The following DAB1 variants were observed in gnomAD, a reference collection of about 807,000 sequenced individuals.
The protein encoded by DAB1 is disabled homolog 1.
In DAB1, 15 loss-of-function variants were observed where a neutral mutation model predicts 64.6. That is an observed-to-expected ratio of 0.23 (90% confidence interval 0.16 to 0.36). The LOEUF (loss-of-function observed/expected upper bound fraction) is 0.36, where lower values mean the gene tolerates loss of function less well. DAB1 is among the 10% of genes least tolerant of loss of function. The pLI is 1.00. For synonymous variants in DAB1, 235 were observed against 251.9 expected, an observed-to-expected ratio of 0.93 and a Z score of 0.64; for missense variants, 596 against 706.7, an observed-to-expected ratio of 0.84 and a Z score of 1.78.
chr1:57,853,771 A>AT (rs1653635831), intron 1 of DAB1, among the ~76,000 whole-genome samples: 1 of 152,174 alleles, frequency 6.6e-6, no homozygotes, highest in South Asian at 2.1e-4. Flanking sequence ...AGAAAAAAAT[A>AT]TGTCTGCAAC....
At chr1:58,406,595 C>A (rs1644617119) in intron 3 of DAB1, among the ~76,000 whole-genome samples, 1 of 152,188 alleles carries the variant, frequency 6.6e-6, no homozygotes, top group Admixed American at 6.5e-5. Context: ...ACAACAATGG[C>A]CAGTTGGCCC....
At chr1:58,298,723 C>T (rs1305648869) in intron 4 of DAB1, among the ~76,000 whole-genome samples, 1 of 152,190 alleles carries the variant, frequency 6.6e-6, no homozygotes, top group African/African-American at 2.4e-5. Flanking sequence ...TGGCCCAGGC[C>T]GAAGGCTGAC....
At chr1:57,567,102 G>C (rs1336695173) in intron 7 of DAB1, among the ~76,000 whole-genome samples, 1 of 152,218 alleles carries the variant, frequency 6.6e-6, no homozygotes, top group South Asian at 2.1e-4. Context: ...TTCATGCCTG[G>C]GATGCAAGGC....
intron 4 of DAB1, among the ~76,000 whole-genome samples, chr1:58,265,902 C>T (rs1020722650): frequency 2.6e-5 from 4 of 152,066 alleles, no homozygotes; most frequent in African/African-American, 9.7e-5. Context: ...GTAAATTTTG[C>T]CCAGCCCTCT....
At chr1:58,136,580 T>C (rs1009967817) in intron 5 of DAB1, among the ~76,000 whole-genome samples, 2 of 152,220 alleles carry the variant, frequency 1.3e-5, no homozygotes, top group Non-Finnish European at 1.5e-5. Flanking sequence ...ATTTCCTACT[T>C]TGTTGGTGAT....
At chr1:57,648,276 T>C (rs988374926) in intron 7 of DAB1, among the ~76,000 whole-genome samples, 1 of 152,152 alleles carries the variant, frequency 6.6e-6, no homozygotes, top group African/African-American at 2.4e-5. Flanking sequence ...GGCCATGCTA[T>C]GGTGGTGGTG....
chr1:57,739,523 T>C (rs1173507360), intron 6 of DAB1, among the ~76,000 whole-genome samples: 1 of 131,618 alleles, frequency 7.6e-6, no homozygotes, highest in Non-Finnish European at 1.6e-5. Context: ...CTCAACTCAC[T>C]GCAACCTCCC....
At chr1:57,353,105 T>A (rs1163901700) in intron 1 of DAB1, among the ~76,000 whole-genome samples, 11 of 120,756 alleles carry the variant, frequency 9.1e-5, no homozygotes, top group East Asian at 4.6e-4. Flanking sequence ...ATATATATAT[T>A]TTTTTCCATA....
At chr1:57,297,312 T>C (rs967273426) in intron 1 of DAB1, among the ~76,000 whole-genome samples, 1 of 152,156 alleles carries the variant, frequency 6.6e-6, no homozygotes, top group Non-Finnish European at 1.5e-5. Flanking sequence ...AACTTGAATA[T>C]GAATGGTAAG....
rs747029075 is a variant in DAB1, at chr1:57,841,696, C to T, written n.88-15241G>A. On this transcript the variant is annotated intron_variant and non_coding_transcript_variant, in intron 1 of 1. Coordinates refer to the DAB1 transcript ENST00000477280. Reference sequence around the variant, plus strand: ...GGAGTGGCTGGAATGCAGGGTGCCACATCTCGAGGCTGCATGGAGCAGCGG... The same window carrying T: ...GGAGTGGCTGGAATGCAGGGTGCCATATCTCGAGGCTGCATGGAGCAGCGG... Among the ~76,000 whole-genome samples the T allele has an allele frequency of 2.0e-4, 31 of 152,328 alleles. 1 individual carries two copies. Among genetic ancestry groups the T allele is most frequent in the Non-Finnish European group, 3.8e-4 (26 of 68,036 alleles).
chr1:58,136,401 C>A (rs558040221), intron 5 of DAB1, among the ~76,000 whole-genome samples: 1 of 152,258 alleles, frequency 6.6e-6, no homozygotes, highest in African/African-American at 2.4e-5. Context: ...AGCCCCATGT[C>A]CACAGCCTAT....
chr1:58,518,349 AGAAGG>A (rs757786615), intron 2 of DAB1, among the ~76,000 whole-genome samples: 21,005 of 59,322 alleles, frequency 0.35, 7,633 homozygotes, highest in East Asian at 0.68. Context: ...AGAAGAGAAG[AGAAGG>A]GAAGGGAAGA....
intron 5 of DAB1, among the ~76,000 whole-genome samples, chr1:58,062,955 A>G (rs1217537812): frequency 6.6e-6 from 1 of 152,188 alleles, no homozygotes; most frequent in East Asian, 1.9e-4. Context: ...ATGAACTAAT[A>G]ACTCTGATTT....
intron 7 of DAB1, among the ~76,000 whole-genome samples, chr1:57,643,441 C>G (rs1250483892): frequency 1.3e-5 from 2 of 152,014 alleles, no homozygotes; most frequent in Non-Finnish European, 2.9e-5. Flanking sequence ...ATAGATTGTT[C>G]TATCATGTCT....
At chr1:57,136,515 C>T in intron 4 of DAB1, 28 bp downstream of exon 4, 1 of 1,347,518 alleles carries the variant, frequency 7.4e-7, no homozygotes, top group Non-Finnish European at 1.0e-6. Flanking sequence ...GATAAAATTT[C>T]ACAATGCCAT....
intron 5 of DAB1, among the ~76,000 whole-genome samples, chr1:58,094,234 C>T (rs1250595015): frequency 6.6e-6 from 1 of 152,214 alleles, no homozygotes; most frequent in Non-Finnish European, 1.5e-5. Context: ...CTCTGGGTGC[C>T]TCACAATCTC....
At chr1:58,275,261 A>G (rs1223400672) in intron 4 of DAB1, among the ~76,000 whole-genome samples, 1 of 152,238 alleles carries the variant, frequency 6.6e-6, no homozygotes, top group Non-Finnish European at 1.5e-5. Context: ...GCTTCGTGAC[A>G]TTAATTTGGC....
chr1:57,218,472 G>A (rs1177575331), intron 2 of DAB1, among the ~76,000 whole-genome samples: 3 of 137,248 alleles, frequency 2.2e-5, no homozygotes, highest in African/African-American at 8.6e-5. Flanking sequence ...TTGGGCTCAG[G>A]AGTTTGAGGC....
chr1:57,113,179 C>T (rs944897749), intron 4 of DAB1, among the ~76,000 whole-genome samples: 1 of 152,188 alleles, frequency 6.6e-6, no homozygotes, highest in African/African-American at 2.4e-5. Context: ...CAGCAAGTCA[C>T]TTAACCATTC....
Sources: gnomAD v4.1 joint callset for allele counts (sites outside exome capture counted in the v4.1 genomes callset) on GRCh38, gnomAD v4.1.1 for gene constraint, MANE v1.5 for transcripts, NCBI Gene and HGNC (gene_info 2026-07-23, HGNC 2026-07-21) for gene names.